FSCN1: variants seen among roughly 807,000 people sequenced by gnomAD.
The protein encoded by FSCN1 is fascin actin-bundling protein 1.
Under a neutral mutation model 39.7 loss-of-function variants are expected in FSCN1, and 10 were observed. The ratio of observed to expected loss-of-function variants is 0.25; its 90% confidence interval spans 0.16 to 0.43. The LOEUF (loss-of-function observed/expected upper bound fraction) is 0.43, where lower values mean the gene tolerates loss of function less well. FSCN1 is among the 20% of genes least tolerant of loss of function. FSCN1 has a pLI of 1.00. For missense variants in FSCN1, 525 were observed against 723.8 expected, an observed-to-expected ratio of 0.73 and a Z score of 3.15; for synonymous variants, 322 against 320.0, an observed-to-expected ratio of 1.01 and a Z score of -0.07.
chr7:5,594,814 C>T (rs1217633223), intron 1 of FSCN1: 1 of 152,306 alleles, frequency 6.6e-6, no homozygotes, highest in Admixed American at 6.5e-5. Flanking sequence ...GAAGCCCCTA[C>T]CCTCTGGTGA....
At chr7:5,593,806 G>A (rs1464421134) in intron 1 of FSCN1, 38 bp downstream of exon 1, 5 of 1,315,870 alleles carry the variant, frequency 3.8e-6, no homozygotes, top group Non-Finnish European at 5.2e-6. Context: ...CCTGGTCCGT[G>A]CACAAAGCGC....
At chr7:5,596,242 C>T (rs1161615208) in intron 1 of FSCN1, among the ~76,000 whole-genome samples, 1 of 151,844 alleles carries the variant, frequency 6.6e-6, no homozygotes, top group Non-Finnish European at 1.5e-5. Context: ...TGCTGGGGAA[C>T]GCCAGCCAGG....
chr7:5,600,889 C>T (rs1455931770), intron 1 of FSCN1, among the ~76,000 whole-genome samples: 1 of 151,292 alleles, frequency 6.6e-6, no homozygotes, highest in African/African-American at 2.4e-5. Flanking sequence ...CTCCTGACCT[C>T]GTGATCCGCC....
chr7:5,593,249 T>G lies in FSCN1; in HGVS notation c.313T>G (p.Ser105Ala). 1 of 1,608,960 alleles carries G rather than the reference T, an allele frequency of 6.2e-7. No homozygotes were observed. The change falls in exon 1 of 5, where the codon TCC (serine) becomes GCC (alanine). Residue 105 changes from serine to alanine, a missense_variant. By Grantham distance (99) the Ser-to-Ala change is moderately conservative. Transcript: ENST00000382361. ...CGACGACGGTCGCTGGTCGCTGCAG[T>G]CCGAGGCGCACCGGCGCTACTTCGG... is the stretch of plus-strand genomic sequence containing the variant. ...AHDDGRWSLQ[S>A]EAHRRYFGGT... is the part of the protein sequence containing the mutation.
intron 1 of FSCN1, among the ~76,000 whole-genome samples, chr7:5,600,710 G>A (rs1387817756): frequency 1.3e-5 from 2 of 149,810 alleles, no homozygotes; most frequent in Non-Finnish European, 3.0e-5. Flanking sequence ...CTGGAGTGCA[G>A]TGGCGCGATC....
Position 5,603,090 on chromosome 7 carries a change from C to T in FSCN1, c.833-167C>T. 4 of 704,088 alleles carry T rather than the reference C, an allele frequency of 5.7e-6. No homozygotes were observed. Among genetic ancestry groups the T allele is most frequent in the South Asian group, 5.3e-5 (3 of 56,526 alleles). The allele number at this position is 704,088 out of a possible 1,614,324, so 43.6% of individuals were successfully genotyped here. A position where few individuals can be genotyped will look rare whatever the true frequency, so the allele number is the denominator to read the frequency against. ...GCCTCTGACCGGCCCTGCCTGCGTTCCTGGGTGCTCTCTGCTGCTTCTCAT... is the reference window on the plus strand; with the variant it reads ...GCCTCTGACCGGCCCTGCCTGCGTTTCTGGGTGCTCTCTGCTGCTTCTCAT... On this transcript the variant is annotated intron_variant, in intron 1 of 4. Transcript: ENST00000382361. This position sits in a 1 kb window ranked among gnomAD's most constrained non-coding sequence, Gnocchi z 8.5.
chr7:5,594,562 C>A (rs1204881136), intron 1 of FSCN1: 1 of 152,264 alleles, frequency 6.6e-6, no homozygotes, highest in Non-Finnish European at 1.5e-5. Flanking sequence ...TTGCGGTTCA[C>A]CCCTGCAGAG....
intron 1 of FSCN1, among the ~76,000 whole-genome samples, chr7:5,601,552 C>G (rs1785832299): frequency 6.6e-6 from 1 of 152,140 alleles, no homozygotes. Flanking sequence ...TGTGGGTTCA[C>G]TGGCTGGGCA....
At position 5,603,752 on chromosome 7, in the gene FSCN1, A is replaced by G. The variant is rs1209432425; in HGVS notation, c.1112-111A>G. The stretch of plus-strand genomic sequence containing the variant: ...CCCCGGACTGGCCCCGCACTGTCCT[A>G]CCCTGGGGACTGCTGTGTGACCCCA... On this transcript the variant is annotated intron_variant, in intron 3 of 4. Transcript: ENST00000382361. This position sits in a 1 kb window ranked among gnomAD's most constrained non-coding sequence, Gnocchi z 8.5. 45 of 1,479,310 alleles carry G rather than the reference A, an allele frequency of 3.0e-5. No individual in the cohort carries two copies. The East Asian group carries it at 1.0e-3, about 34-fold the overall frequency. 91.6% of individuals were successfully genotyped at this position (1,479,310 alleles called of 1,614,324 possible).
rs199712638 is a variant in FSCN1, at chr7:5,593,668, G to A, written c.732G>A (p.Lys244=). Residue 244 remains lysine, a synonymous_variant, in exon 1 of 5, where the codon AAG becomes AAA. Coordinates refer to ENST00000382361, the MANE Select transcript of FSCN1 (RefSeq NM_003088.4). ...CCAGCGGCACGCTCAAGGCGGGCAAGGCCACCAAGGTGGGCAAGGACGAGC... is the reference window on the plus strand; with the variant it reads ...CCAGCGGCACGCTCAAGGCGGGCAAAGCCACCAAGGTGGGCAAGGACGAGC... ...SGPSGTLKAG[K]ATKVGKDELF... The A allele has an allele frequency of 2.5e-6, 4 of 1,586,020 alleles. No homozygotes were observed. The highest frequency in any genetic ancestry group is 2.6e-6 in the Non-Finnish European group (3 of 1,173,094).
rs555236012 is a variant in FSCN1 at position 5,604,095 on chromosome 7, C to T, written c.1279+65C>T. ...TCGGTCGGGGCTGGGGTCAGTGCTGCGGGGAGCGCCCTCTGCATCCACACT... is the reference window on the plus strand; with the variant it reads ...TCGGTCGGGGCTGGGGTCAGTGCTGTGGGGAGCGCCCTCTGCATCCACACT... On this transcript the variant is annotated intron_variant, in intron 4 of 4. Transcript: ENST00000382361. 2.9e-4 allele frequency: 426 copies of T among 1,474,142 alleles called. 4 individuals carry two copies. Among genetic ancestry groups the T allele is most frequent in the Admixed American group, 2.6e-4 (15 of 56,820 alleles). The allele number at this position is 1,474,142 out of a possible 1,614,324, so 91.3% of individuals were successfully genotyped here. A position where few individuals can be genotyped will look rare whatever the true frequency, so the allele number is the denominator to read the frequency against.
intron 1 of FSCN1, among the ~76,000 whole-genome samples, chr7:5,598,838 C>G (rs1006346614): frequency 6.6e-6 from 1 of 152,214 alleles, no homozygotes; most frequent in African/African-American, 2.4e-5. Context: ...GGAGCCCCAG[C>G]GCATTGGACA....
chr7:5,600,018 G>T (rs1473308401), intron 1 of FSCN1, among the ~76,000 whole-genome samples: 1 of 152,214 alleles, frequency 6.6e-6, no homozygotes, highest in African/African-American at 2.4e-5. Flanking sequence ...TCCAGAGCGC[G>T]TGGGGAATGT....
rs1345457351 is a variant in FSCN1, at chr7:5,603,761, A to C, written c.1112-102A>C. On this transcript the variant is annotated intron_variant, in intron 3 of 4. Coordinates refer to ENST00000382361, the MANE Select transcript of FSCN1 (RefSeq NM_003088.4). The surrounding 1 kb of genome is among the most constrained non-coding windows in gnomAD (Gnocchi z 8.5). Reference sequence around the variant, plus strand: ...GGCCCCGCACTGTCCTACCCTGGGGACTGCTGTGTGACCCCAGCTCCTGGC... The same window carrying C: ...GGCCCCGCACTGTCCTACCCTGGGGCCTGCTGTGTGACCCCAGCTCCTGGC... The C allele has an allele frequency of 7.6e-5, 110 of 1,438,058 alleles. 1 individual carries two copies. The East Asian group carries it at 2.5e-3, about 33-fold the overall frequency. The allele number at this position is 1,438,058 out of a possible 1,614,324, so 89.1% of individuals were successfully genotyped here.
intron 1 of FSCN1, among the ~76,000 whole-genome samples, chr7:5,598,943 G>T (rs1785777701): frequency 6.6e-6 from 1 of 152,240 alleles, no homozygotes; most frequent in South Asian, 2.1e-4. Context: ...TGAGGGGGCG[G>T]TGAGGGCAGC....
In FSCN1 at chr7:5,603,805, C is replaced by G; in HGVS notation, c.1112-58C>G. The G allele has an allele frequency of 1.3e-6, 2 of 1,562,914 alleles. No individual in the cohort carries two copies. The highest frequency in any genetic ancestry group is 1.3e-5 in the African/African-American group (1 of 74,144). ...TCCTGGCCCTCCCTCTCTGGTCACC[C>G]CAGCCTCCACCCCACTCCCTGCCAG... On this transcript the variant is annotated intron_variant, in intron 3 of 4. Coordinates refer to ENST00000382361, the MANE Select transcript of FSCN1 (RefSeq NM_003088.4). The surrounding 1 kb of genome is among the most constrained non-coding windows in gnomAD (Gnocchi z 8.5).
rs374382350 is a variant in FSCN1, at chr7:5,594,136, CA to C, written c.832+369del. The C allele has an allele frequency of 9.7e-4, 240 of 248,444 alleles. 8 individuals carry two copies. In the South Asian group the frequency reaches 0.028, roughly 29 times the overall value. 15.4% of individuals were successfully genotyped at this position (248,444 alleles called of 1,614,324 possible). ...TCTTGCGGAGTGGGAGCCCCTCACC[CA>C]TTTCCTCGTGCCCCTCCCCCCGCCG... On this transcript the variant is annotated intron_variant, in intron 1 of 4. Coordinates refer to ENST00000382361, the MANE Select transcript of FSCN1 (RefSeq NM_003088.4).
At chr7:5,600,216 G>C (rs1299234188) in intron 1 of FSCN1, among the ~76,000 whole-genome samples, 1 of 151,786 alleles carries the variant, frequency 6.6e-6, no homozygotes, top group African/African-American at 2.4e-5. Flanking sequence ...GTTTGAGACC[G>C]GCCTGGCCAA....
Position 5,596,544 on chromosome 7 carries a change from C to A in FSCN1, c.832+2776C>A, listed in dbSNP as rs147128084. Among the ~76,000 whole-genome samples, 7 of 152,320 alleles carry A rather than the reference C, an allele frequency of 4.6e-5. No homozygotes were observed. The East Asian group carries it at 1.4e-3, about 30-fold the overall frequency. Reference sequence around the variant, plus strand: ...CCTCCCTGCTCCCCAGGATCCACACCTACCCTGGCCCCGACCCTGGGCCAT... The same window carrying A: ...CCTCCCTGCTCCCCAGGATCCACACATACCCTGGCCCCGACCCTGGGCCAT... On this transcript the variant is annotated intron_variant, in intron 1 of 4. Transcript: ENST00000382361.
Sources: allele counts gnomAD v4.1 joint callset (sites outside exome capture counted in the v4.1 genomes callset), GRCh38; gene constraint gnomAD v4.1.1; non-coding constraint Gnocchi (gnomAD v3.1); transcripts MANE v1.5; gene names NCBI Gene and HGNC (gene_info 2026-07-23, HGNC 2026-07-21).